Variants in SNTG1 observed in about 807,000 individuals in gnomAD.
SNTG1 encodes gamma-1-syntrophin.
A neutral mutation model predicts 74.7 loss-of-function variants in SNTG1; 39 were observed. The ratio of observed to expected loss-of-function variants is 0.52; its 90% CI spans 0.40 to 0.68. SNTG1 has a LOEUF of 0.68. Among genes scored for constraint, SNTG1 ranks in the 30% least tolerant of loss-of-function variants. The pLI, the probability that SNTG1 is intolerant of heterozygous loss-of-function variation, is 0.00. For missense variants in SNTG1, 685 were observed against 609.5 expected (o/e 1.12, Z -1.30); for synonymous variants, 254 against 217.1 (o/e 1.17, Z -1.49).
intron 2 of SNTG1, among the ~76,000 whole-genome samples, chr8:50,375,795 T>A (rs1462685079): frequency 6.6e-6 from 1 of 152,126 alleles, no homozygotes; most frequent in African/African-American, 2.4e-5. Flanking sequence ...AACAGAAGTT[T>A]ATTACATGTA....
chr8:50,675,489 TTTTTTTTTTCCATC>T, intron 15 of SNTG1, among the ~76,000 whole-genome samples: 1 of 147,660 alleles, frequency 6.8e-6, no homozygotes, highest in African/African-American at 2.5e-5. Flanking sequence ...CAACCCCTAC[TTTTTTTTTTCCATC>T]TCCTTGGTAA....
intron 1 of SNTG1, among the ~76,000 whole-genome samples, chr8:50,107,001 G>C (rs774411287): frequency 2.6e-5 from 4 of 152,114 alleles, no homozygotes; most frequent in African/African-American, 9.7e-5. Context: ...AGAACACATA[G>C]GAAATATGTT....
intron 2 of SNTG1, among the ~76,000 whole-genome samples, chr8:50,266,044 C>A (rs935863000): frequency 1.6e-4 from 23 of 146,948 alleles, no homozygotes; most frequent in African/African-American, 4.9e-4. Flanking sequence ...CAATTTATAT[C>A]AAAATCCTAG....
chr8:50,271,258 G>A (rs140785822), intron 2 of SNTG1, among the ~76,000 whole-genome samples: 607 of 152,234 alleles, frequency 4.0e-3, no homozygotes, highest in Non-Finnish European at 6.0e-3. Context: ...CAAATTTCGT[G>A]TAAGAATAAT....
In SNTG1 at chr8:50,351,470, A is replaced by G. The variant is rs150492018; in HGVS notation, c.-27-42742A>G. Among the ~76,000 whole-genome samples the G allele has an allele frequency of 3.0e-3, 464 of 152,278 alleles. 3 individuals are homozygous for G. Among genetic ancestry groups the G allele is most frequent in the African/African-American group, 0.01 (426 of 41,572 alleles). On this transcript the variant is annotated intron_variant, in intron 2 of 18. Coordinates refer to ENST00000642720, the MANE Select transcript of SNTG1 (RefSeq NM_018967.5). ...AGAAACATTGTGTTTATCTCATTTGATTAATGTACTTTCTTTTTATTTTTA... is the reference window on the plus strand; with the variant it reads ...AGAAACATTGTGTTTATCTCATTTGGTTAATGTACTTTCTTTTTATTTTTA...
Position 50,560,521 on chromosome 8 carries a change from T to C in SNTG1, c.810+7342T>C, listed in dbSNP as rs543704684. Among the ~76,000 whole-genome samples, 39 of 152,302 alleles carry C rather than the reference T, an allele frequency of 2.6e-4. No individual in the cohort carries two copies. The South Asian group carries it at 7.0e-3, about 28-fold the overall frequency. On this transcript the variant is annotated intron_variant, in intron 12 of 18. Transcript: ENST00000642720. ...AAGAAAACTTGGTACATATACACCA[T>C]GGAATGCTATACAGTCATAGAAAGG...
intron 1 of SNTG1, among the ~76,000 whole-genome samples, chr8:50,024,167 C>T (rs1410059510): frequency 6.6e-6 from 1 of 152,098 alleles, no homozygotes; most frequent in Non-Finnish European, 1.5e-5. Context: ...TTGCCAATGT[C>T]TACTCTATAT....
At chr8:49,918,605 G>T (rs960819750) in intron 1 of SNTG1, among the ~76,000 whole-genome samples, 1 of 139,924 alleles carries the variant, frequency 7.1e-6, no homozygotes, top group African/African-American at 2.8e-5. Context: ...TCACAAATTG[G>T]AGGCAGATGT....
chr8:50,005,110 TAC>T (rs1369635850), intron 1 of SNTG1, among the ~76,000 whole-genome samples: 1 of 152,102 alleles, frequency 6.6e-6, no homozygotes, highest in African/African-American at 2.4e-5. Flanking sequence ...TATAAAAAGA[TAC>T]AGACTAATAA....
chr8:50,716,957 C>T (rs1029361011), intron 17 of SNTG1, among the ~76,000 whole-genome samples: 22 of 151,920 alleles, frequency 1.4e-4, no homozygotes, highest in African/African-American at 4.1e-4. Context: ...AGGATGGACT[C>T]GATCTCCTGA....
chr8:50,644,025 T>C (rs6990703), intron 13 of SNTG1: 123,865 of 152,216 alleles, frequency 0.81, 50,629 homozygotes, highest in East Asian at 0.92. Flanking sequence ...ACAGCTCAAC[T>C]GCAGGGCTCC....
At chr8:50,656,721 C>A (rs2095183950) in intron 13 of SNTG1, among the ~76,000 whole-genome samples, 188 bp from the exon 14 acceptor site, 1 of 152,104 alleles carries the variant, frequency 6.6e-6, no homozygotes, top group Non-Finnish European at 1.5e-5. Context: ...GGTTTACATT[C>A]ATTTACTGAA....
At chr8:50,229,194 G>C (rs2085490357) in intron 2 of SNTG1, among the ~76,000 whole-genome samples, 1 of 151,368 alleles carries the variant, frequency 6.6e-6, no homozygotes, top group African/African-American at 2.4e-5. Context: ...CAGAAAAAGA[G>C]GGGAAAATAA....
chr8:50,060,596 T>C (rs1169136639), intron 1 of SNTG1, among the ~76,000 whole-genome samples: 2 of 152,086 alleles, frequency 1.3e-5, no homozygotes, highest in Non-Finnish European at 2.9e-5. Context: ...CTTCTTGCAC[T>C]ATGTTGAATC....
At chr8:50,263,750 A>G (rs1038663952) in intron 2 of SNTG1, among the ~76,000 whole-genome samples, 3 of 152,226 alleles carry the variant, frequency 2.0e-5, no homozygotes, top group African/African-American at 7.2e-5. Flanking sequence ...CAATTTCACA[A>G]TAGTAGCTGG....
At chr8:50,044,675 T>G (rs1001602964) in intron 1 of SNTG1, among the ~76,000 whole-genome samples, 2 of 152,186 alleles carry the variant, frequency 1.3e-5, no homozygotes, top group East Asian at 3.9e-4. Context: ...GGTCTAAAGC[T>G]ATAGCCTTGG....
At chr8:50,079,046 T>G (rs1006805458) in intron 1 of SNTG1, among the ~76,000 whole-genome samples, 2 of 152,236 alleles carry the variant, frequency 1.3e-5, no homozygotes, top group African/African-American at 2.4e-5. Context: ...TATAGTAGAT[T>G]GATTTATAAT....
chr8:50,215,943 T>TA (rs913178702), intron 2 of SNTG1, among the ~76,000 whole-genome samples: 2 of 152,192 alleles, frequency 1.3e-5, no homozygotes, highest in Admixed American at 6.5e-5. Context: ...TTATTTATGG[T>TA]AAAATGTATT....
intron 2 of SNTG1, among the ~76,000 whole-genome samples, chr8:50,336,296 T>G (rs567923387): frequency 6.9e-4 from 105 of 152,354 alleles, no homozygotes; most frequent in Non-Finnish European, 1.2e-3. Context: ...CCTTCTATAC[T>G]CTGAATCTGT....
Sources: gnomAD v4.1 joint callset for allele counts (sites outside exome capture counted in the v4.1 genomes callset) on GRCh38, gnomAD v4.1.1 for gene constraint, MANE v1.5 for transcripts, NCBI Gene and HGNC (gene_info 2026-07-23, HGNC 2026-07-21) for gene names.